The following PCLO variants were observed in gnomAD, a reference collection of about 807,000 sequenced individuals.
PCLO encodes the protein protein piccolo.
A neutral mutation model predicts 427.5 loss-of-function variants in PCLO; 82 were observed. The observed-to-expected ratio is 0.19, with a 90% CI of 0.16 to 0.23. PCLO has a LOEUF of 0.23. PCLO is among the 10% of genes least tolerant of loss of function. The probability of loss-of-function intolerance (pLI) is 1.00; values close to 1 mark genes in which losing one functional copy is unlikely to be tolerated. For missense variants in PCLO, 6,239 were observed against 6,115.9 expected, an observed-to-expected ratio of 1.02 and a Z score of -0.67; for synonymous variants, 2,357 against 2,155.4, an observed-to-expected ratio of 1.09 and a Z score of -2.59.
intron 20 of PCLO, chr7:82,821,517 A>C (rs1194872201): frequency 3.0e-6 from 3 of 984,434 alleles, no homozygotes. Flanking sequence ...ATCTATCTCC[A>C]TTGCCTGGCT....
Position 82,954,423 on chromosome 7 carries a change from G to C in PCLO, c.6530C>G (p.Pro2177Arg). 6.2e-7 allele frequency: 1 copy of C among 1,613,890 alleles called. No individual in the cohort carries two copies. The highest frequency in any genetic ancestry group is 8.5e-7 in the Non-Finnish European group (1 of 1,179,808). The change falls in exon 5 of 25, where the codon CCA becomes CGA. Residue 2177 changes from proline (P) to arginine (R), a missense_variant. Physicochemically the swap from Pro to Arg is moderately radical, Grantham distance 103. This residue lies in a region of PCLO where 4,677 missense variants were observed against 4,468.4 expected (regional missense o/e 1.05). Coordinates refer to ENST00000333891, the MANE Select transcript of PCLO (RefSeq NM_033026.6). ...SEPSESATSV[P>R]PSDTPSLTSS... ...TGTGAGAGAAGGTGTGTCAGAGGGT[G>C]GGACAGATGTAGCACTTTCTGAAGG...
At chr7:83,059,663 G>A (rs1393979626) in intron 3 of PCLO, among the ~76,000 whole-genome samples, 5 of 152,016 alleles carry the variant, frequency 3.3e-5, no homozygotes, top group Admixed American at 6.6e-5. Flanking sequence ...ACCAAATCAT[G>A]GGATCCATTC....
chr7:83,123,074 T>A (rs542050576), intron 3 of PCLO, among the ~76,000 whole-genome samples: 1 of 152,102 alleles, frequency 6.6e-6, no homozygotes, highest in South Asian at 2.1e-4. Flanking sequence ...AATCTACAGA[T>A]ACAATGCAAT....
rs1400123000 is a variant in PCLO, at chr7:83,135,129, T to C, written c.2421A>G (p.Pro807=). The C allele has an allele frequency of 6.2e-7, 1 of 1,613,780 alleles. No individual in the cohort carries two copies. The highest frequency in any genetic ancestry group is 8.5e-7 in the Non-Finnish European group (1 of 1,179,876). The part of the protein sequence containing the change: ...TDSAKPSQSF[P]PTGEKVSPFD... ...ATGGGCTGACTTTTTCCCCTGTTGG[T>C]GGAAAACTCTGTGAGGGTTTGGCAG... is the stretch of plus-strand genomic sequence containing the variant. Residue 807 remains proline, a synonymous_variant, in exon 3 of 25, where the codon CCA becomes CCG. Transcript: ENST00000333891.
At chr7:82,901,460 A>G (rs1202073442) in intron 9 of PCLO, among the ~76,000 whole-genome samples, 2 of 152,046 alleles carry the variant, frequency 1.3e-5, no homozygotes, top group Non-Finnish European at 2.9e-5. Flanking sequence ...TAGACCTAAA[A>G]CCATAATAAT....
chr7:82,980,170 G>A (rs1021185981), intron 3 of PCLO, among the ~76,000 whole-genome samples: 1 of 149,100 alleles, frequency 6.7e-6, no homozygotes, highest in African/African-American at 2.6e-5. Context: ...CCTCACACCT[G>A]CTCAGTGTTT....
rs1206969417 is a variant in PCLO at position 82,952,330 on chromosome 7, G to T, written c.8623C>A (p.Pro2875Thr). Reference sequence around the variant, plus strand: ...CATCCATTTGTGACACCAACAGGAGGCACAGTGACAGGTTTTGTAATAGCC... The same window carrying T: ...CATCCATTTGTGACACCAACAGGAGTCACAGTGACAGGTTTTGTAATAGCC... The part of the protein sequence containing the change: ...TLAITKPVTV[P>T]PVGVTNGWTD... Residue 2875 changes from proline to threonine, a missense_variant, in exon 5 of 25, where the codon CCT becomes ACT. Pro to Thr is a conservative substitution (Grantham distance 38). Coordinates refer to ENST00000333891, the MANE Select transcript of PCLO (RefSeq NM_033026.6). 6 of 1,613,766 alleles carry T rather than the reference G, an allele frequency of 3.7e-6. No homozygotes were observed. Among genetic ancestry groups the T allele is most frequent in the Non-Finnish European group, 5.1e-6 (6 of 1,179,812 alleles).
chr7:82,805,603 A>G, intron 21 of PCLO, 85 bp downstream of exon 21: 1 of 1,287,972 alleles, frequency 7.8e-7, no homozygotes, highest in Non-Finnish European at 1.1e-6. Flanking sequence ...TTGGGTAATT[A>G]TCCAGTTATT....
intron 22 of PCLO, among the ~76,000 whole-genome samples, chr7:82,789,413 A>G (rs1399460555): frequency 6.6e-6 from 1 of 152,180 alleles, no homozygotes; most frequent in African/African-American, 2.4e-5. Flanking sequence ...AAAGCTAAGA[A>G]AGCAAAATGT....
intron 3 of PCLO, among the ~76,000 whole-genome samples, chr7:83,103,331 C>T (rs139366265): frequency 1.3e-5 from 2 of 151,930 alleles, no homozygotes; most frequent in African/African-American, 4.8e-5. Flanking sequence ...TTTCCATGAG[C>T]TTCGTAGGGC....
Position 82,916,055 on chromosome 7 carries a change from G to A in PCLO, c.11931C>T (p.Asn3977=). The A allele has an allele frequency of 6.2e-7, 1 of 1,613,216 alleles. No individual in the cohort carries two copies. The highest frequency in any genetic ancestry group is 8.5e-7 in the Non-Finnish European group (1 of 1,179,760). Residue 3977 remains asparagine, a synonymous_variant, in exon 7 of 25, where the codon AAC becomes AAT. Transcript: ENST00000333891. ...TLYLEPKITS[N]YEVIRNQPLM... is the part of the protein sequence containing the mutation. Reference sequence around the variant, plus strand: ...GGGGTTGGTTGCGAATCACTTCATAGTTTGAGGTTATCTTGGGCTCCAAAT... The same window carrying A: ...GGGGTTGGTTGCGAATCACTTCATAATTTGAGGTTATCTTGGGCTCCAAAT...
Position 82,915,832 on chromosome 7 carries a change from T to C in PCLO, c.12154A>G (p.Ile4052Val), listed in dbSNP as rs200544810. ...TPRNYVLIDD[I>V]GEITKGTAAL... ...GCTGTTCCTTTGGTGATCTCTCCAA[T>C]GTCGTCAATTAGGACATAATTTCGT... Residue 4052 changes from isoleucine to valine, a missense_variant, in exon 7 of 25, where the codon ATT becomes GTT. Ile to Val is a conservative substitution (Grantham distance 29, BLOSUM62 3). Around this residue, in one of 5 missense-constraint regions of PCLO, gnomAD observed 680 missense variants for 677.3 expected, o/e 1.00. Coordinates refer to ENST00000333891, the MANE Select transcript of PCLO (RefSeq NM_033026.6). 4.3e-5 allele frequency: 69 copies of C among 1,613,488 alleles called. No homozygotes were observed. The African/African-American group carries it at 8.3e-4, about 19-fold the overall frequency.
At chr7:83,033,061 C>G (rs183109699) in intron 3 of PCLO, among the ~76,000 whole-genome samples, 2 of 152,120 alleles carry the variant, frequency 1.3e-5, no homozygotes, top group African/African-American at 2.4e-5. Flanking sequence ...CTCACCCTCT[C>G]TCTCTCCTAC....
At chr7:82,970,922 C>G (rs143345542) in intron 3 of PCLO, among the ~76,000 whole-genome samples, 178 of 151,810 alleles carry the variant, frequency 1.2e-3, no homozygotes, top group African/African-American at 4.1e-3. Flanking sequence ...CAATTATAAA[C>G]AAACTGACCA....
chr7:82,895,673 A>C (rs1041101965), intron 9 of PCLO, among the ~76,000 whole-genome samples: 22 of 151,994 alleles, frequency 1.4e-4, no homozygotes, highest in Non-Finnish European at 3.2e-4. Context: ...AGGATAAAGT[A>C]TGATGAATAC....
rs1479869610 is a variant in PCLO at position 82,999,575 on chromosome 7, ATAT to A, written c.3301-33091_3301-33089del. ...ATATTATATTAAAATATAAAATATA[ATAT>A]TATATTAAAATATAAAATATAATAT... On this transcript the variant is annotated intron_variant, in intron 3 of 24. Coordinates refer to ENST00000333891, the MANE Select transcript of PCLO (RefSeq NM_033026.6). Among the ~76,000 whole-genome samples, 18 of 50,962 alleles carry A rather than the reference ATAT, an allele frequency of 3.5e-4. 3 individuals are homozygous for A. Among genetic ancestry groups the A allele is most frequent in the Middle Eastern group, 0.023 (1 of 44 alleles). 33.4% of individuals were successfully genotyped at this position (50,962 alleles called of 152,430 possible).
chr7:83,054,611 T>C (rs901408889), intron 3 of PCLO, among the ~76,000 whole-genome samples: 7 of 151,980 alleles, frequency 4.6e-5, no homozygotes, highest in African/African-American at 1.2e-4. Flanking sequence ...TACACAAACA[T>C]TGAGTGGCTG....
At chr7:82,964,547 C>T (rs1795722584) in intron 4 of PCLO, among the ~76,000 whole-genome samples, 1 of 151,850 alleles carries the variant, frequency 6.6e-6, no homozygotes, top group Non-Finnish European at 1.5e-5. Context: ...CTGGACTTTG[C>T]AAAGATAAAT....
chr7:82,926,374 GA>G lies in PCLO; in HGVS notation c.11113-9502del, dbSNP rs1273035092. Reference sequence around the variant, plus strand: ...CAATATACCATTTGTGAAAATAATTGAAAAATTTTTTAAAGGTAGTTTTTCT... The same window carrying G: ...CAATATACCATTTGTGAAAATAATTGAAAATTTTTTAAAGGTAGTTTTTCT... On this transcript the variant is annotated intron_variant, in intron 6 of 24. Coordinates refer to ENST00000333891, the MANE Select transcript of PCLO (RefSeq NM_033026.6). 7.2e-5 allele frequency among the ~76,000 whole-genome samples: 11 copies of G among 152,076 alleles called. 1 individual carries two copies. Among genetic ancestry groups the G allele is most frequent in the Admixed American group, 7.2e-4 (11 of 15,274 alleles).
Sources: allele counts gnomAD v4.1 joint callset (sites outside exome capture counted in the v4.1 genomes callset), GRCh38; gene constraint gnomAD v4.1.1; regional missense constraint gnomAD v4.1.1; transcripts MANE v1.5; gene names NCBI Gene and HGNC (gene_info 2026-07-23, HGNC 2026-07-21).